The following GPX6 variants were observed in gnomAD, a reference collection of about 807,000 sequenced individuals.
GPX6 encodes the protein glutathione peroxidase 6.
GPX6 carries 21 observed loss-of-function variants against 20.0 expected under a neutral mutation model. The observed-to-expected ratio is 1.05, with a 90% CI of 0.74 to 1.51. The LOEUF (loss-of-function observed/expected upper bound fraction) is 1.51. Among genes scored for constraint, GPX6 ranks in the 40% most tolerant of loss-of-function variants. The pLI, the probability that GPX6 is intolerant of heterozygous loss-of-function variation, is 0.00. For synonymous variants in GPX6, 75 were observed against 98.0 expected (o/e 0.77, Z 1.38); for missense variants, 233 against 254.7 (o/e 0.91, Z 0.58).
intron 2 of GPX6, 53 bp from the exon 3 acceptor site, chr6:28,506,482 A>G: frequency 1.1e-6 from 1 of 944,440 alleles, no homozygotes; most frequent in Non-Finnish European, 1.8e-6. Context: ...GCCTACCTCA[A>G]GCAGTGAAAG....
chr6:28,510,532 G>A (rs1762853095), intron 2 of GPX6, among the ~76,000 whole-genome samples: 2 of 152,154 alleles, frequency 1.3e-5, no homozygotes, highest in Admixed American at 6.5e-5. Flanking sequence ...GTGTGCTCCT[G>A]GTGGTCTTTA....
At chr6:28,505,841 T>G in intron 3 of GPX6, 39 bp from the exon 4 acceptor site, 2 of 1,480,818 alleles carry the variant, frequency 1.4e-6, no homozygotes, top group Non-Finnish European at 1.9e-6. Context: ...AGATACAAAT[T>G]AAGACATGGA....
chr6:28,506,320 A>G lies in GPX6; in HGVS notation c.351T>C (p.Leu117=), dbSNP rs1181181404. The change falls in exon 3 of 5, where the codon CTT becomes CTC. Residue 117 remains leucine (L), a synonymous_variant. Transcript: ENST00000361902. ...CCCATGCAAGCACTCACTTGAGACCAAGAAGTATTTCTGAGTTTGTTCCTG... is the reference window on the plus strand; with the variant it reads ...CCCATGCAAGCACTCACTTGAGACCGAGAAGTATTTCTGAGTTTGTTCCTG... ...QEPGTNSEIL[L]GLKYVCPGSG... 1.2e-6 allele frequency: 2 copies of G among 1,605,154 alleles called. No individual in the cohort carries two copies. The highest frequency in any genetic ancestry group is 2.2e-5 in the South Asian group (2 of 90,894).
At chr6:28,505,458 G>A (rs1028964394) in intron 4 of GPX6, among the ~76,000 whole-genome samples, 5 of 152,206 alleles carry the variant, frequency 3.3e-5, no homozygotes, top group Non-Finnish European at 7.3e-5. Flanking sequence ...CTGGAGATCT[G>A]ATAAATGATT....
At chr6:28,512,609 G>A (rs901367663) in intron 1 of GPX6, among the ~76,000 whole-genome samples, 5 of 152,154 alleles carry the variant, frequency 3.3e-5, no homozygotes, top group Non-Finnish European at 7.4e-5. Flanking sequence ...AATAAAAGGC[G>A]GCTGCCGGAG....
Position 28,504,250 on chromosome 6 carries a change from G to T in GPX6, c.*42C>A, listed in dbSNP as rs375816003. Reference sequence around the variant, plus strand: ...GATGCTTTGTTAGACATTCCTGCAGGTGGGAGACAGGGTAGTTATTTCTGT... The same window carrying T: ...GATGCTTTGTTAGACATTCCTGCAGTTGGGAGACAGGGTAGTTATTTCTGT... On this transcript the variant is annotated 3_prime_UTR_variant, in exon 5 of 5. Transcript: ENST00000361902. The T allele has an allele frequency of 5.1e-5, 80 of 1,560,232 alleles. No individual in the cohort carries two copies. The highest frequency in any genetic ancestry group is 7.9e-6 in the Non-Finnish European group (9 of 1,132,232).
chr6:28,512,735 T>C (rs985639497), intron 1 of GPX6, among the ~76,000 whole-genome samples: 1 of 152,286 alleles, frequency 6.6e-6, no homozygotes, highest in Admixed American at 6.5e-5. Context: ...CTTTACAAGC[T>C]GTAACACTCA....
chr6:28,512,226 C>T (rs1366979456), intron 1 of GPX6, among the ~76,000 whole-genome samples: 3 of 152,266 alleles, frequency 2.0e-5, no homozygotes, highest in African/African-American at 7.2e-5. Context: ...GTGCGGCATC[C>T]ACTGGCTGAA....
chr6:28,513,053 C>A (rs1385070425), intron 1 of GPX6, among the ~76,000 whole-genome samples: 1 of 152,198 alleles, frequency 6.6e-6, no homozygotes, highest in South Asian at 2.1e-4. Flanking sequence ...AGTAGGAGCA[C>A]ACTGGAAGGC....
chr6:28,507,008 C>CTA (rs537397420), intron 2 of GPX6, among the ~76,000 whole-genome samples: 111 of 152,252 alleles, frequency 7.3e-4, no homozygotes, highest in African/African-American at 1.8e-3. Flanking sequence ...AATTCCAAGG[C>CTA]TATCCTCTAC....
At chr6:28,507,597 C>G (rs1362673805) in intron 2 of GPX6, among the ~76,000 whole-genome samples, 3 of 152,142 alleles carry the variant, frequency 2.0e-5, no homozygotes, top group African/African-American at 7.2e-5. Context: ...GACAGAGTCT[C>G]TCTGTCACCC....
chr6:28,508,765 C>T (rs1762831873), intron 2 of GPX6, among the ~76,000 whole-genome samples: 1 of 152,122 alleles, frequency 6.6e-6, no homozygotes, highest in Non-Finnish European at 1.5e-5. Flanking sequence ...CAAGATTGTG[C>T]CCCTGCACTC....
chr6:28,510,655 C>G, intron 2 of GPX6, 96 bp downstream of exon 2: 1 of 1,235,260 alleles, frequency 8.1e-7, no homozygotes, highest in Non-Finnish European at 1.1e-6. Context: ...GTTCTCCCAT[C>G]GCATCCTCCA....
At chr6:28,510,065 CAT>C (rs1762846431) in intron 2 of GPX6, among the ~76,000 whole-genome samples, 2 of 152,240 alleles carry the variant, frequency 1.3e-5, no homozygotes, top group Admixed American at 1.3e-4. Flanking sequence ...TGCTAGGAAA[CAT>C]AAACAACTTC....
At chr6:28,504,524 G>C (rs1421861881) in intron 4 of GPX6, 26 bp from the exon 5 acceptor site, 1 of 1,582,230 alleles carries the variant, frequency 6.3e-7, no homozygotes. Flanking sequence ...AGAAAGTAGA[G>C]ATATACATTT....
intron 2 of GPX6, among the ~76,000 whole-genome samples, chr6:28,507,452 T>C (rs1762817818): frequency 6.6e-6 from 1 of 152,272 alleles, no homozygotes; most frequent in African/African-American, 2.4e-5. Context: ...TTTTCTCATC[T>C]GGAGTAAAAT....
chr6:28,506,528 C>A, intron 2 of GPX6, 99 bp from the exon 3 acceptor site: 3 of 725,072 alleles, frequency 4.1e-6, no homozygotes, highest in South Asian at 1.6e-5. Flanking sequence ...ATGAATAAAC[C>A]GAGGACTAAG....
In GPX6 at chr6:28,504,321, C is replaced by G. The variant is rs1457365177; in HGVS notation, c.637G>C (p.Glu213Gln). 4.3e-6 allele frequency: 7 copies of G among 1,614,032 alleles called. No individual in the cohort carries two copies. In the South Asian group the frequency reaches 6.6e-5, roughly 15 times the overall value. ...PVSTVKSDILEYLKQFNTH is the reference protein window; with the variant it reads ...PVSTVKSDILQYLKQFNTH ...TGGGTATTGAACTGCTTTAGGTACT[C>G]CAGGATGTCTGACTTGACTGTGCTG... The change falls in exon 5 of 5, where the codon GAG becomes CAG. Residue 213 changes from glutamate to glutamine, a missense_variant. Transcript: ENST00000361902.
intron 4 of GPX6, 127 bp from the exon 5 acceptor site, chr6:28,504,625 C>G: frequency 1.3e-6 from 1 of 789,188 alleles, no homozygotes; most frequent in Non-Finnish European, 2.0e-6. Flanking sequence ...ATATTAACTA[C>G]TTTGCATGCT....
Sources: gnomAD v4.1 joint callset for allele counts (sites outside exome capture counted in the v4.1 genomes callset) on GRCh38, gnomAD v4.1.1 for gene constraint, MANE v1.5 for transcripts, NCBI Gene and HGNC (gene_info 2026-07-23, HGNC 2026-07-21) for gene names.